MYO5B: variants seen among roughly 807,000 people sequenced by gnomAD.
The protein encoded by MYO5B is unconventional myosin-Vb.
In MYO5B, 143 loss-of-function variants were observed where a neutral mutation model predicts 229.3. The ratio of observed to expected loss-of-function variants is 0.62; its 90% confidence interval spans 0.54 to 0.72. The LOEUF is 0.72. Ranked by LOEUF, MYO5B falls within the 30% of genes least tolerant of loss-of-function variation. MYO5B has a pLI of 0.00. For missense variants in MYO5B, 2,321 were observed against 2,331.0 expected (o/e 1.00, Z 0.09); for synonymous variants, 918 against 885.2 (o/e 1.04, Z -0.66).
chr18:50,137,286 C>G (rs537947046), intron 1 of MYO5B, among the ~76,000 whole-genome samples: 2 of 152,222 alleles, frequency 1.3e-5, no homozygotes, highest in Non-Finnish European at 2.9e-5. Context: ...TTTGAACAAA[C>G]GTTATTTCAG....
In MYO5B at chr18:49,979,767, G is replaced by C. The variant is rs2025794622; in HGVS notation, c.1056+677C>G. ...TTGCAGATTCACCTATCCAAGGTTAGAATACCAGCTTTAGCTTTTCCCAAC... is the reference window on the plus strand; with the variant it reads ...TTGCAGATTCACCTATCCAAGGTTACAATACCAGCTTTAGCTTTTCCCAAC... On this transcript the variant is annotated intron_variant, in intron 9 of 39. Transcript: ENST00000285039. Among the ~76,000 whole-genome samples the C allele has an allele frequency of 2.0e-5, 3 of 152,160 alleles. No individual in the cohort carries two copies. In the South Asian group the frequency reaches 6.2e-4, roughly 32 times the overall value.
intron 18 of MYO5B, among the ~76,000 whole-genome samples, chr18:49,908,605 C>T (rs2024925694): frequency 6.6e-6 from 1 of 152,198 alleles, no homozygotes; most frequent in Non-Finnish European, 1.5e-5. Context: ...TCACACACAT[C>T]CTTGTGCTCC....
At chr18:50,036,824 G>A in intron 4 of MYO5B, 26 bp downstream of exon 4, 2 of 1,613,694 alleles carry the variant, frequency 1.2e-6, no homozygotes, top group Non-Finnish European at 8.5e-7. Context: ...TACTCAGGAG[G>A]ACTTCTGGGC....
chr18:50,080,271 G>A (rs954536802), intron 1 of MYO5B, among the ~76,000 whole-genome samples: 9 of 152,084 alleles, frequency 5.9e-5, no homozygotes, highest in Admixed American at 2.6e-4. Flanking sequence ...TCGAGTTAAC[G>A]ACACAGTTTC....
intron 27 of MYO5B, 21 bp from the exon 28 acceptor site, chr18:49,864,401 C>T (rs747677308): frequency 2.5e-6 from 4 of 1,611,674 alleles, no homozygotes; most frequent in African/African-American, 1.3e-5. Flanking sequence ...GCCCAAGGGC[C>T]GCTGCCATTA....
At chr18:49,935,793 T>C (rs1285977188) in intron 16 of MYO5B, among the ~76,000 whole-genome samples, 1 of 152,078 alleles carries the variant, frequency 6.6e-6, no homozygotes, top group Non-Finnish European at 1.5e-5. Flanking sequence ...GGGGAGCAAA[T>C]GTGGATAATT....
intron 10 of MYO5B, among the ~76,000 whole-genome samples, chr18:49,968,408 G>T (rs1190258811): frequency 1.3e-5 from 2 of 152,222 alleles, no homozygotes; most frequent in Non-Finnish European, 2.9e-5. Flanking sequence ...CTACATGTAA[G>T]TGTGCATTCA....
intron 27 of MYO5B, among the ~76,000 whole-genome samples, chr18:49,867,601 A>C (rs1488147655): frequency 1.3e-5 from 2 of 152,154 alleles, no homozygotes; most frequent in African/African-American, 4.8e-5. Context: ...TTGGGTGTCT[A>C]TTTCTTAAAC....
At chr18:50,066,362 C>T (rs2030819966) in intron 1 of MYO5B, among the ~76,000 whole-genome samples, 1 of 152,166 alleles carries the variant, frequency 6.6e-6, no homozygotes, top group Non-Finnish European at 1.5e-5. Context: ...ACTTGTATCA[C>T]ACCCAATTGC....
intron 1 of MYO5B, among the ~76,000 whole-genome samples, chr18:50,162,030 G>A (rs982705685): frequency 1.3e-5 from 2 of 152,242 alleles, no homozygotes; most frequent in Non-Finnish European, 2.9e-5. Context: ...TGCGTGCAAC[G>A]CAGATGGCCA....
rs2032718533 is a variant in MYO5B at position 50,158,643 on chromosome 18, T to C, written c.27+36124A>G. Among the ~76,000 whole-genome samples the C allele has an allele frequency of 4.6e-5, 7 of 152,322 alleles. No individual in the cohort carries two copies. In the South Asian group the frequency reaches 1.2e-3, roughly 27 times the overall value. ...AAAATCACCTGGCCCAAAATCCTTA[T>C]TTGCAAGTGAAAAACCCAAGGCCCA... On this transcript the variant is annotated intron_variant, in intron 1 of 39. Transcript: ENST00000285039.
chr18:49,883,345 A>G (rs553469065), intron 22 of MYO5B, among the ~76,000 whole-genome samples: 43 of 152,386 alleles, frequency 2.8e-4, no homozygotes, highest in Non-Finnish European at 5.0e-4. Flanking sequence ...GTATTTGTAT[A>G]TATTTGCAAT....
At chr18:50,028,299 C>T (rs1046299554) in intron 4 of MYO5B, among the ~76,000 whole-genome samples, 5 of 152,158 alleles carry the variant, frequency 3.3e-5, no homozygotes, top group South Asian at 2.1e-4. Context: ...AAGTAAACAA[C>T]ATGAAACACC....
chr18:49,980,578 A>G (rs755827035), intron 8 of MYO5B, 25 bp from the exon 9 acceptor site: 3 of 1,468,412 alleles, frequency 2.0e-6, no homozygotes, highest in Non-Finnish European at 1.9e-6. Flanking sequence ...TGAATGGATG[A>G]CACTCAGTAT....
intron 29 of MYO5B, among the ~76,000 whole-genome samples, chr18:49,859,535 C>A (rs914313530): frequency 9.2e-5 from 14 of 152,208 alleles, no homozygotes. Flanking sequence ...TCTATTCAAC[C>A]TCCTAGCATA....
intron 4 of MYO5B, among the ~76,000 whole-genome samples, chr18:50,013,850 TG>T (rs1453898250): frequency 1.3e-5 from 2 of 152,146 alleles, no homozygotes; most frequent in East Asian, 3.9e-4. Context: ...ATCCAAAGCT[TG>T]GGTTTCCCTG....
At chr18:50,109,495 A>G (rs111489291) in intron 1 of MYO5B, among the ~76,000 whole-genome samples, 29,337 of 150,044 alleles carry the variant, frequency 0.2, 3,602 homozygotes, top group African/African-American at 0.35. Context: ...GCGTGATCTC[A>G]GCTCACTGCA....
intron 1 of MYO5B, among the ~76,000 whole-genome samples, chr18:50,055,682 T>C (rs995221163): frequency 7.9e-5 from 12 of 152,152 alleles, no homozygotes; most frequent in Admixed American, 3.3e-4. Context: ...ATTGCACCAT[T>C]ATCTCAAAGG....
chr18:49,868,320 GA>G (rs537744281), intron 27 of MYO5B, among the ~76,000 whole-genome samples: 4 of 150,324 alleles, frequency 2.7e-5, no homozygotes, highest in Admixed American at 2.0e-4. Context: ...ACATTAAGGA[GA>G]AAAAAAAACA....
Sources: gnomAD v4.1 joint callset for allele counts (sites outside exome capture counted in the v4.1 genomes callset) on GRCh38, gnomAD v4.1.1 for gene constraint, MANE v1.5 for transcripts, NCBI Gene and HGNC (gene_info 2026-07-23, HGNC 2026-07-21) for gene names.